Variants in PC observed in about 807,000 individuals in gnomAD.
PC encodes pyruvate carboxylase, mitochondrial.
A neutral mutation model predicts 107.8 loss-of-function variants in PC; 46 were observed. The observed-to-expected ratio is 0.43, with a 90% CI of 0.34 to 0.55. The LOEUF (loss-of-function observed/expected upper bound fraction) is 0.55, where lower values mean the gene tolerates loss of function less well. Among genes scored for constraint, PC ranks in the 20% least tolerant of loss-of-function variants. The pLI is 0.04. For synonymous variants in PC, 662 were observed against 684.7 expected (o/e 0.97, Z 0.52); for missense variants, 1,241 against 1,643.1 (o/e 0.76, Z 4.23).
At chr11:66,922,171 G>A (rs553268721) in intron 3 of PC, among the ~76,000 whole-genome samples, 10 of 152,250 alleles carry the variant, frequency 6.6e-5, no homozygotes, top group African/African-American at 2.4e-4. Flanking sequence ...ACAGAATAAC[G>A]ACAAGAAAGA....
intron 3 of PC, among the ~76,000 whole-genome samples, chr11:66,934,123 G>T (rs188122989): frequency 2.9e-4 from 44 of 152,182 alleles, no homozygotes; most frequent in Admixed American, 1.8e-3. Flanking sequence ...GCCACTGTCC[G>T]GGGGCACCCG....
chr11:66,923,430 C>CA (rs920654555), intron 3 of PC, among the ~76,000 whole-genome samples: 2 of 150,624 alleles, frequency 1.3e-5, no homozygotes, highest in African/African-American at 4.9e-5. Context: ...CACCACATGA[C>CA]ACAGGGAAAG....
At chr11:66,919,921 A>C (rs1948553670) in intron 3 of PC, 1 of 152,248 alleles carries the variant, frequency 6.6e-6, no homozygotes, top group Non-Finnish European at 1.5e-5. Flanking sequence ...GAAAATGGGC[A>C]TCAGGTCAAA....
In PC at chr11:66,866,328, C is replaced by T. The variant is rs1297741212; in HGVS notation, c.1044G>A (p.Gln348=). 1 of 1,611,510 alleles carries T rather than the reference C, an allele frequency of 6.2e-7. No individual in the cohort carries two copies. Among genetic ancestry groups the T allele is most frequent in the South Asian group, 1.1e-5 (1 of 91,034 alleles). ...EITDVDLVHA[Q]IHVAEGRSLP... is the part of the protein sequence containing the mutation. ...GGCTCCTGCCCTCAGCCACGTGGAT[C>T]TGAGCATGGACCAGGTCTACGCTGT... The change falls in exon 11 of 23, where the codon CAG becomes CAA. Residue 348 remains glutamine (Q), a synonymous_variant. Coordinates refer to ENST00000393960, the MANE Select transcript of PC (RefSeq NM_001040716.2). This position sits in a 1 kb window ranked among gnomAD's most constrained non-coding sequence, Gnocchi z 5.4.
rs112412461 is a variant in PC, at chr11:66,923,982, C to A, written c.-1+28448G>T. Among the ~76,000 whole-genome samples, 1,488 of 150,596 alleles carry A rather than the reference C, an allele frequency of 9.9e-3. 27 individuals carry two copies. Among genetic ancestry groups the A allele is most frequent in the African/African-American group, 0.033 (1,370 of 41,078 alleles). On this transcript the variant is annotated intron_variant, in intron 3 of 22. Transcript: ENST00000393960. Reference sequence around the variant, plus strand: ...CTTTGGGAGGCTAGGGCCAGTGGATCACATGAGGCCAAGAGTTCAAGACAA... The same window carrying A: ...CTTTGGGAGGCTAGGGCCAGTGGATAACATGAGGCCAAGAGTTCAAGACAA...
At chr11:66,908,823 A>T (rs1298883192) in intron 3 of PC, among the ~76,000 whole-genome samples, 1 of 152,110 alleles carries the variant, frequency 6.6e-6, no homozygotes, top group Non-Finnish European at 1.5e-5. Context: ...CCCCGAGAAC[A>T]CGCGTTAACT....
At chr11:66,890,569 T>C (rs1328309308) in intron 3 of PC, among the ~76,000 whole-genome samples, 103 of 151,196 alleles carry the variant, frequency 6.8e-4, no homozygotes, top group African/African-American at 2.2e-3. Context: ...GGCGTGATCT[T>C]GGCTCAGTGC....
intron 3 of PC, among the ~76,000 whole-genome samples, chr11:66,933,391 G>T (rs1383767777): frequency 1.3e-5 from 2 of 152,138 alleles, no homozygotes; most frequent in African/African-American, 4.8e-5. Context: ...AACGCTTATT[G>T]CTCTGGTCTC....
chr11:66,952,234 G>A (rs1311084476), intron 3 of PC, 196 bp downstream of exon 3: 1 of 152,282 alleles, frequency 6.6e-6, no homozygotes, highest in African/African-American at 2.4e-5. Flanking sequence ...GGAGCCAGAT[G>A]TCACTTTCCT....
chr11:66,934,072 G>T (rs1441385409), intron 3 of PC, among the ~76,000 whole-genome samples: 1 of 152,114 alleles, frequency 6.6e-6, no homozygotes, highest in Non-Finnish European at 1.5e-5. Flanking sequence ...AGCGAGGCTG[G>T]GGCATCACCC....
chr11:66,891,327 T>G (rs1379492236), intron 3 of PC, among the ~76,000 whole-genome samples: 1 of 152,090 alleles, frequency 6.6e-6, no homozygotes, highest in Admixed American at 6.6e-5. Context: ...CCCAAAGTGC[T>G]GGGATTACAG....
At chr11:66,941,651 C>T (rs1949131894) in intron 3 of PC, among the ~76,000 whole-genome samples, 1 of 152,118 alleles carries the variant, frequency 6.6e-6, no homozygotes, top group South Asian at 2.1e-4. Context: ...GCCACCATGC[C>T]CAGCTAATTT....
At chr11:66,899,961 T>C (rs1947888746) in intron 3 of PC, among the ~76,000 whole-genome samples, 1 of 152,234 alleles carries the variant, frequency 6.6e-6, no homozygotes, top group South Asian at 2.1e-4. Context: ...TGCATGCAGA[T>C]ATACAGTTGT....
intron 3 of PC, among the ~76,000 whole-genome samples, chr11:66,897,525 T>C (rs1947801663): frequency 1.3e-5 from 2 of 152,126 alleles, no homozygotes; most frequent in African/African-American, 4.8e-5. Flanking sequence ...TAAGCAGAGA[T>C]TATGCCACTG....
chr11:66,896,367 T>C (rs974957932), intron 3 of PC, among the ~76,000 whole-genome samples: 3 of 152,224 alleles, frequency 2.0e-5, no homozygotes, highest in Admixed American at 1.3e-4. Context: ...GCATGAGCCA[T>C]GGCTCCTGGC....
In PC at chr11:66,946,805, A is replaced by T. The variant is rs971407829; in HGVS notation, c.-1+5625T>A. 3.3e-5 allele frequency among the ~76,000 whole-genome samples: 5 copies of T among 152,230 alleles called. No individual in the cohort carries two copies. In the East Asian group the frequency reaches 9.6e-4, roughly 29 times the overall value. On this transcript the variant is annotated intron_variant, in intron 3 of 22. Transcript: ENST00000393960. ...CCCTGTCTCAAAACAAAAAACATGT[A>T]ACTGAGTAGTTAGTTTAGACGTGTG... is the stretch of plus-strand genomic sequence containing the variant.
At chr11:66,930,729 A>C (rs372526059) in intron 3 of PC, among the ~76,000 whole-genome samples, 1 of 145,004 alleles carries the variant, frequency 6.9e-6, no homozygotes, top group East Asian at 2.1e-4. Context: ...GCGACAGAGC[A>C]AGACTCTGTC....
chr11:66,885,175 CT>C (rs1947316013), intron 3 of PC, among the ~76,000 whole-genome samples: 2 of 152,340 alleles, frequency 1.3e-5, no homozygotes, highest in East Asian at 1.9e-4. Context: ...GTCCTAACCC[CT>C]AGCACCTAGG....
chr11:66,927,176 A>G (rs1449583267), intron 3 of PC, among the ~76,000 whole-genome samples: 1 of 132,354 alleles, frequency 7.6e-6, no homozygotes, highest in Non-Finnish European at 1.6e-5. Flanking sequence ...TTGTATTTGA[A>G]TAACGCTGCT....
Sources: allele counts gnomAD v4.1 joint callset (sites outside exome capture counted in the v4.1 genomes callset), GRCh38; gene constraint gnomAD v4.1.1; non-coding constraint Gnocchi (gnomAD v3.1); transcripts MANE v1.5; gene names NCBI Gene and HGNC (gene_info 2026-07-23, HGNC 2026-07-21).